Variants in ADGRF3 observed in about 807,000 individuals in gnomAD.
The protein encoded by ADGRF3 is G protein-coupled receptor 113.
A neutral mutation model predicts 93.2 loss-of-function variants in ADGRF3; 85 were observed. That is an observed-to-expected ratio of 0.91 (90% confidence interval 0.77 to 1.09). ADGRF3 has a LOEUF of 1.09. ADGRF3 is among the 50% of genes least tolerant of loss of function. ADGRF3 has a pLI of 0.00. For synonymous variants in ADGRF3, 534 were observed against 532.5 expected (o/e 1.00, Z -0.04); for missense variants, 1,125 against 1,246.2 (o/e 0.90, Z 1.46).
intron 1 of ADGRF3, among the ~76,000 whole-genome samples, chr2:26,345,343 C>G (rs1411525945): frequency 2.6e-5 from 4 of 152,098 alleles, no homozygotes; most frequent in African/African-American, 9.7e-5. Context: ...TGTAAAACAC[C>G]TCTTGCAAAC....
Position 26,308,957 on chromosome 2 carries a change from T to C in ADGRF3, c.*129A>G. 7 of 1,235,626 alleles carry C rather than the reference T, an allele frequency of 5.7e-6. No individual in the cohort carries two copies. In the East Asian group the frequency reaches 9.3e-5, roughly 17 times the overall value. 76.5% of individuals were successfully genotyped at this position (1,235,626 alleles called of 1,614,324 possible). On this transcript the variant is annotated 3_prime_UTR_variant, in exon 14 of 14. Coordinates refer to ENST00000651242, the MANE Select transcript of ADGRF3 (RefSeq NM_001321971.2). ...TAAATGAGTGTCACTAAGGGAAATA[T>C]AAGCCTGCCTTTCTCAAGGGCTGAG...
intron 1 of ADGRF3, among the ~76,000 whole-genome samples, chr2:26,329,636 G>C (rs1675652929): frequency 6.6e-6 from 1 of 152,178 alleles, no homozygotes. Flanking sequence ...TAATACATTT[G>C]TTTTGTTTTA....
intron 1 of ADGRF3, chr2:26,345,868 T>C: frequency 2.0e-6 from 1 of 501,822 alleles, no homozygotes; most frequent in Non-Finnish European, 3.6e-6. Context: ...TCACCCCCTC[T>C]CTTGCCTTAC....
At chr2:26,318,117 G>A in intron 1 of ADGRF3, 1 of 1,539,682 alleles carries the variant, frequency 6.5e-7, no homozygotes, top group East Asian at 2.4e-5. Flanking sequence ...GGCAGGGAAG[G>A]GTCTGTCTGG....
chr2:26,316,249 G>A (rs1400571757), intron 4 of ADGRF3, 26 bp downstream of exon 4: 1 of 1,546,698 alleles, frequency 6.5e-7, no homozygotes, highest in Non-Finnish European at 8.7e-7. Context: ...AAGGCCATTG[G>A]TTTCCAAGTT....
At chr2:26,334,661 C>A (rs1406971631) in intron 1 of ADGRF3, among the ~76,000 whole-genome samples, 1 of 152,180 alleles carries the variant, frequency 6.6e-6, no homozygotes, top group South Asian at 2.1e-4. Context: ...ATCTCCCCGC[C>A]ATTAAAACAC....
chr2:26,331,670 C>T (rs1270709819), intron 1 of ADGRF3, among the ~76,000 whole-genome samples: 6 of 152,094 alleles, frequency 3.9e-5, no homozygotes, highest in Middle Eastern at 3.2e-3. Flanking sequence ...TTTGAGGCTG[C>T]GGTGAGCTAT....
At chr2:26,342,472 G>A (rs1676451839) in intron 1 of ADGRF3, among the ~76,000 whole-genome samples, 1 of 152,022 alleles carries the variant, frequency 6.6e-6, no homozygotes, top group South Asian at 2.1e-4. Flanking sequence ...TTTTTTGGCT[G>A]TCTCCATTTA....
At chr2:26,332,714 T>C (rs1231608052) in intron 1 of ADGRF3, among the ~76,000 whole-genome samples, 1 of 151,664 alleles carries the variant, frequency 6.6e-6, no homozygotes, top group East Asian at 2.0e-4. Flanking sequence ...GTCTCCAGCC[T>C]GGACAACAGA....
At chr2:26,309,864 T>C in intron 12 of ADGRF3, 179 bp downstream of exon 12, 1 of 1,441,216 alleles carries the variant, frequency 6.9e-7, no homozygotes. Flanking sequence ...TCCTGACTGC[T>C]CTGACCAGGC....
At chr2:26,326,020 A>G (rs1675414292) in intron 1 of ADGRF3, among the ~76,000 whole-genome samples, 1 of 152,250 alleles carries the variant, frequency 6.6e-6, no homozygotes, top group Non-Finnish European at 1.5e-5. Flanking sequence ...TGAGTCAACA[A>G]CTACGTGTTA....
chr2:26,311,356 A>G lies in ADGRF3; in HGVS notation c.2168T>C (p.Val723Ala). ...SILALLVCLG[V>A]YWLVWRVVVR... ...CACGACTCTCCACACCAGCCAGTAC[A>G]CACCCAGGCACACAAGCAGCGCCAG... is the stretch of plus-strand genomic sequence containing the variant. The change falls in exon 10 of 14, where the codon GTG becomes GCG. Residue 723 changes from valine to alanine, a missense_variant. Val to Ala is a moderately conservative substitution (Grantham distance 64). Transcript: ENST00000651242. 6.2e-7 allele frequency: 1 copy of G among 1,614,030 alleles called. No homozygotes were observed. Among genetic ancestry groups the G allele is most frequent in the Non-Finnish European group, 8.5e-7 (1 of 1,179,904 alleles).
At position 26,313,726 on chromosome 2, in the gene ADGRF3, G is replaced by A. The variant is rs111414121; in HGVS notation, c.1072+34C>T. 35 of 1,611,712 alleles carry A rather than the reference G, an allele frequency of 2.2e-5. 2 individuals carry two copies. Among genetic ancestry groups the A allele is most frequent in the African/African-American group, 1.9e-4 (14 of 74,984 alleles). ...GCCCGTGCTCCCAAGGCAAGCAGCTGGGACCAGCCCACTGGGCCCCAGGCC... is the reference window on the plus strand; with the variant it reads ...GCCCGTGCTCCCAAGGCAAGCAGCTAGGACCAGCCCACTGGGCCCCAGGCC... On this transcript the variant is annotated intron_variant, in intron 7 of 13. Coordinates refer to ENST00000651242, the MANE Select transcript of ADGRF3 (RefSeq NM_001321971.2).
In ADGRF3 at chr2:26,314,642, G is replaced by A. The variant is rs116827776; in HGVS notation, c.719-19C>T. 5.3e-4 allele frequency: 844 copies of A among 1,588,930 alleles called. 5 individuals are homozygous for A. In the African/African-American group the frequency reaches 9.7e-3, roughly 18 times the overall value. ...TACTCACCTGCAGAAACGTGTGTGC[G>A]GCGCTATGTGGCTCCTCTGGGCCCC... is the stretch of plus-strand genomic sequence containing the variant. On this transcript the variant is annotated intron_variant, in intron 5 of 13. Transcript: ENST00000651242.
At position 26,319,168 on chromosome 2, in the gene ADGRF3, G is replaced by C. The variant is rs951741965; in HGVS notation, c.115-1606C>G. On this transcript the variant is annotated intron_variant, in intron 1 of 13. Transcript: ENST00000651242. ...GGAGGGAGCCAGGGCTGAATTTACA[G>C]AGGAAGCGCTACAGCCTGTGACTCT... 4.9e-5 allele frequency: 52 copies of C among 1,065,876 alleles called. No individual in the cohort carries two copies. The African/African-American group carries it at 6.8e-4, about 14-fold the overall frequency. The allele number at this position is 1,065,876 out of a possible 1,614,324, so 66.0% of individuals were successfully genotyped here. A position where few individuals can be genotyped will look rare whatever the true frequency, so the allele number is the denominator to read the frequency against.
intron 1 of ADGRF3, among the ~76,000 whole-genome samples, chr2:26,326,619 C>T (rs1675448036): frequency 6.6e-6 from 1 of 152,008 alleles, no homozygotes; most frequent in African/African-American, 2.4e-5. Context: ...TTTGAGTAGC[C>T]TGTTAGAAGC....
intron 1 of ADGRF3, among the ~76,000 whole-genome samples, chr2:26,334,179 GC>G (rs2147916733): frequency 6.6e-6 from 1 of 151,346 alleles, no homozygotes; most frequent in South Asian, 2.1e-4. Context: ...AGTTAGCCAG[GC>G]TCAGCAGCAC....
rs1386866944 is a variant in ADGRF3 at position 26,337,252 on chromosome 2, CTT to C, written c.114+8867_114+8868del. On this transcript the variant is annotated intron_variant, in intron 1 of 13. Transcript: ENST00000651242. ...GACTCTGCACTGGCCTTGTGATTTG[CTT>C]TGTCTGGCAGAAGGCAACAGAAGCA... 2.6e-5 allele frequency among the ~76,000 whole-genome samples: 4 copies of C among 152,330 alleles called. No individual in the cohort carries two copies. In the East Asian group the frequency reaches 5.8e-4, roughly 22 times the overall value.
chr2:26,337,867 A>G (rs1676142583), intron 1 of ADGRF3, among the ~76,000 whole-genome samples: 1 of 152,028 alleles, frequency 6.6e-6, no homozygotes, highest in African/African-American at 2.4e-5. Context: ...TACTAAAAAT[A>G]CAAAAATCGG....
Sources: allele counts gnomAD v4.1 joint callset (sites outside exome capture counted in the v4.1 genomes callset), GRCh38; gene constraint gnomAD v4.1.1; transcripts MANE v1.5; gene names NCBI Gene and HGNC (gene_info 2026-07-23, HGNC 2026-07-21).